Variants in CNGB1 observed in about 807,000 individuals in gnomAD.
CNGB1 encodes cyclic nucleotide-gated channel beta-1.
A neutral mutation model predicts 151.7 loss-of-function variants in CNGB1; 126 were observed. That is an observed-to-expected ratio of 0.83 (90% CI 0.72 to 0.96). The LOEUF (loss-of-function observed/expected upper bound fraction) is 0.96. Ranked by LOEUF, CNGB1 falls within the 40% of genes least tolerant of loss-of-function variation. The pLI is 0.00. For missense variants in CNGB1, 1,698 were observed against 1,627.0 expected (o/e 1.04, Z -0.75); for synonymous variants, 623 against 635.1 (o/e 0.98, Z 0.29).
chr16:57,885,696 C>T (rs142333165), intron 32 of CNGB1, among the ~76,000 whole-genome samples: 6 of 151,890 alleles, frequency 4.0e-5, no homozygotes, highest in Admixed American at 1.3e-4. Flanking sequence ...CAGGTTCAAG[C>T]GATTCTTCTG....
chr16:57,927,444 C>A (rs546351265), intron 17 of CNGB1, among the ~76,000 whole-genome samples: 1 of 152,200 alleles, frequency 6.6e-6, no homozygotes, highest in African/African-American at 2.4e-5. Flanking sequence ...GGTTTCCCAC[C>A]CTGTTTCTCA....
chr16:57,917,882 A>G (rs1960919612), intron 20 of CNGB1, among the ~76,000 whole-genome samples: 1 of 151,990 alleles, frequency 6.6e-6, no homozygotes, highest in Admixed American at 6.5e-5. Context: ...AGGAGGGACT[A>G]TGCTGGTATT....
Position 57,915,334 on chromosome 16 carries a change from A to G in CNGB1, c.2219T>C (p.Met740Thr), listed in dbSNP as rs781541993. The stretch of plus-strand genomic sequence containing the variant: ...CAAGGGCAGGAGGCTGAGCAGGTCC[A>G]TCTGAAATCCCAGTGGGACACCATG... ...NNYLKSRRFK[M>T]DLLSLLPLDF... is the part of the protein sequence containing the mutation. Residue 740 changes from methionine (M) to threonine (T), a missense_variant and splice_region_variant, in exon 23 of 33, where the codon ATG becomes ACG. Physicochemically the swap from Met to Thr is moderately conservative, Grantham distance 81 (BLOSUM62 -1). Transcript: ENST00000251102. 8.4e-5 allele frequency: 136 copies of G among 1,613,514 alleles called. No individual in the cohort carries two copies. The highest frequency in any genetic ancestry group is 1.6e-4 in the Middle Eastern group (1 of 6,084).
At position 57,884,210 on chromosome 16, in the gene CNGB1, A is replaced by T. The variant is rs1203042589; in HGVS notation, c.3710T>A (p.Ile1237Asn). The T allele has an allele frequency of 5.0e-6, 8 of 1,613,814 alleles. No individual in the cohort carries two copies. Among genetic ancestry groups the T allele is most frequent in the African/African-American group, 4.0e-5 (3 of 74,916 alleles). The change falls in exon 33 of 33, where the codon ATC becomes AAC. Residue 1237 changes from isoleucine to asparagine, a missense_variant. Physicochemically the swap from Ile to Asn is moderately radical, Grantham distance 149. Coordinates refer to ENST00000251102, the MANE Select transcript of CNGB1 (RefSeq NM_001297.5). ...TTCCTCCGGCATCTTCACCGACAGG[A>T]TCTGCTCTCCCGGCTCCGGGCCCGG... ...MSPGPEPGEQ[I>N]LSVKMPEERE...
chr16:57,967,279 C>T lies in CNGB1; in HGVS notation c.8G>A (p.Gly3Asp), dbSNP rs565729841. 2.7e-5 allele frequency: 43 copies of T among 1,614,212 alleles called. No individual in the cohort carries two copies. In the East Asian group the frequency reaches 4.9e-4, roughly 18 times the overall value. ML[G>D]WVQRVLPQPP... ...CTGAGGCAGCACCCTCTGGACCCAG[C>T]CCAACATCCTGATGCCTGTAGGAGA... Residue 3 changes from glycine to aspartate, a missense_variant, in exon 2 of 33, where the codon GGC (glycine) becomes GAC (aspartate). Transcript: ENST00000251102.
At chr16:57,936,604 C>T (rs1227812374) in intron 16 of CNGB1, among the ~76,000 whole-genome samples, 1 of 151,968 alleles carries the variant, frequency 6.6e-6, no homozygotes, top group Admixed American at 6.6e-5. Flanking sequence ...ACCAGCCTGG[C>T]CAACATAGCA....
chr16:57,953,562 A>T (rs1962015090), intron 12 of CNGB1, among the ~76,000 whole-genome samples: 1 of 151,554 alleles, frequency 6.6e-6, no homozygotes, highest in African/African-American at 2.4e-5. Flanking sequence ...CAGGATCAGC[A>T]GGCAGGAGCC....
chr16:57,897,788 C>T lies in CNGB1; in HGVS notation c.3095+8G>A, dbSNP rs377767022. On this transcript the variant is annotated splice_region_variant and intron_variant, in intron 30 of 32. Transcript: ENST00000251102. Reference sequence around the variant, plus strand: ...CAGGCCCCTCACTTTACCCCAGCTGCGTCTGACCTTATTTCTCCAAACACA... The same window carrying T: ...CAGGCCCCTCACTTTACCCCAGCTGTGTCTGACCTTATTTCTCCAAACACA... The T allele has an allele frequency of 5.6e-6, 9 of 1,613,158 alleles. No homozygotes were observed. The highest frequency in any genetic ancestry group is 2.2e-5 in the East Asian group (1 of 44,870).
intron 7 of CNGB1, 46 bp downstream of exon 7, chr16:57,962,519 C>T: frequency 1.3e-6 from 2 of 1,574,936 alleles, no homozygotes; most frequent in Non-Finnish European, 1.7e-6. Flanking sequence ...CTGTTCCTCC[C>T]ACCCACACAT....
intron 16 of CNGB1, among the ~76,000 whole-genome samples, chr16:57,936,747 T>C (rs1326835219): frequency 6.6e-6 from 1 of 150,762 alleles, no homozygotes; most frequent in African/African-American, 2.5e-5. Flanking sequence ...ATCATGTCAC[T>C]GCATTCCAGC....
At position 57,962,577 on chromosome 16, in the gene CNGB1, G is replaced by T; in HGVS notation, c.446C>A (p.Ala149Asp). ...GATAGGGACTCACCTAGTGTCTTGG[G>T]CCTCAAGGGCCTCATTGGGTTCATC... is the stretch of plus-strand genomic sequence containing the variant. ...CTDEPNEALE[A>D]QDTRPGLRLL... The change falls in exon 7 of 33, where the codon GCC becomes GAC. Residue 149 changes from alanine (A) to aspartate (D), a missense_variant. Transcript: ENST00000251102. 6.2e-7 allele frequency: 1 copy of T among 1,613,970 alleles called. No homozygotes were observed. Among genetic ancestry groups the T allele is most frequent in the Non-Finnish European group, 8.5e-7 (1 of 1,179,840 alleles).
chr16:57,959,838 G>A lies in CNGB1; in HGVS notation c.761+50C>T, dbSNP rs1475622761. On this transcript the variant is annotated intron_variant, in intron 10 of 32. Coordinates refer to ENST00000251102, the MANE Select transcript of CNGB1 (RefSeq NM_001297.5). Reference sequence around the variant, plus strand: ...GAGGTTGGGTGTTAGGCGGGGACAAGGTGCTCATCCTGCTCCCTGGTGGGA... The same window carrying A: ...GAGGTTGGGTGTTAGGCGGGGACAAAGTGCTCATCCTGCTCCCTGGTGGGA... 3.5e-6 allele frequency: 5 copies of A among 1,445,548 alleles called. No individual in the cohort carries two copies. In the African/African-American group the frequency reaches 7.1e-5, roughly 20 times the overall value. The allele number at this position is 1,445,548 out of a possible 1,614,324, so 89.5% of individuals were successfully genotyped here.
At chr16:57,931,953 A>G in intron 16 of CNGB1, 75 bp from the exon 17 acceptor site, 3 of 1,527,062 alleles carry the variant, frequency 2.0e-6, no homozygotes, top group Non-Finnish European at 2.7e-6. Flanking sequence ...TGTGTTCTTG[A>G]AGAAAACCAG....
intron 25 of CNGB1, among the ~76,000 whole-genome samples, chr16:57,906,163 C>A (rs112320338): frequency 6.0e-4 from 91 of 152,298 alleles, no homozygotes; most frequent in African/African-American, 2.1e-3. Flanking sequence ...CTCAGCCATT[C>A]GGCTCAGCCA....
intron 17 of CNGB1, among the ~76,000 whole-genome samples, chr16:57,928,553 A>G (rs1961255504): frequency 6.6e-6 from 1 of 152,258 alleles, no homozygotes; most frequent in Admixed American, 6.5e-5. Context: ...AGGAGAATGC[A>G]GAGTAGTAAA....
At chr16:57,888,664 C>G (rs1376777069) in intron 31 of CNGB1, among the ~76,000 whole-genome samples, 1 of 152,140 alleles carries the variant, frequency 6.6e-6, no homozygotes, top group African/African-American at 2.4e-5. Context: ...GTTGCCCAGG[C>G]TGGTCTCAAA....
intron 23 of CNGB1, among the ~76,000 whole-genome samples, chr16:57,914,539 C>A (rs1322591561): frequency 6.6e-6 from 1 of 152,180 alleles, no homozygotes; most frequent in Non-Finnish European, 1.5e-5. Flanking sequence ...AAAAAGGCAC[C>A]AGTCTTCATT....
chr16:57,895,815 T>G (rs577151684), intron 31 of CNGB1, among the ~76,000 whole-genome samples: 1 of 152,160 alleles, frequency 6.6e-6, no homozygotes, highest in South Asian at 2.1e-4. Context: ...AGCAAGGAAG[T>G]GCTAAAATAT....
At position 57,901,644 on chromosome 16, in the gene CNGB1, A is replaced by T. The variant is rs1960394940; in HGVS notation, c.2795-19T>A. 2 of 1,609,572 alleles carry T rather than the reference A, an allele frequency of 1.2e-6. No individual in the cohort carries two copies. Among genetic ancestry groups the T allele is most frequent in the Non-Finnish European group, 1.7e-6 (2 of 1,176,904 alleles). Reference sequence around the variant, plus strand: ...GACTCATCTGTGAACAAGGCCTGGCAAGGGTCAGAGGCAAGGCCGGGCCCC... The same window carrying T: ...GACTCATCTGTGAACAAGGCCTGGCTAGGGTCAGAGGCAAGGCCGGGCCCC... On this transcript the variant is annotated intron_variant, in intron 27 of 32. Transcript: ENST00000251102.
Sources: allele counts gnomAD v4.1 joint callset (sites outside exome capture counted in the v4.1 genomes callset), GRCh38; gene constraint gnomAD v4.1.1; transcripts MANE v1.5; gene names NCBI Gene and HGNC (gene_info 2026-07-23, HGNC 2026-07-21).